The following SLX4IP variants were observed in gnomAD, a reference collection of about 807,000 sequenced individuals.
SLX4IP encodes protein SLX4IP.
In SLX4IP, 34 loss-of-function variants were observed where a neutral mutation model predicts 32.9. The observed-to-expected ratio is 1.03, with a 90% CI of 0.79 to 1.38. SLX4IP has a LOEUF of 1.38. Among genes scored for constraint, SLX4IP ranks in the 40% most tolerant of loss-of-function variants. SLX4IP has a pLI of 0.00. For missense variants in SLX4IP, 444 were observed against 479.0 expected (o/e 0.93, Z 0.68); for synonymous variants, 172 against 171.7 (o/e 1.00, Z -0.01).
intron 4 of SLX4IP, among the ~76,000 whole-genome samples, chr20:10,579,891 T>G (rs996053759): frequency 1.3e-5 from 2 of 152,240 alleles, no homozygotes; most frequent in Admixed American, 1.3e-4. Flanking sequence ...ATCAAGAATC[T>G]TTTTTAACCT....
chr20:10,439,410 A>G (rs981169907), intron 1 of SLX4IP, among the ~76,000 whole-genome samples: 4 of 152,038 alleles, frequency 2.6e-5, no homozygotes, highest in Admixed American at 6.5e-5. Flanking sequence ...GGTTTTTACC[A>G]TGTTACCCAG....
At chr20:10,568,146 C>A (rs1210531082) in intron 4 of SLX4IP, among the ~76,000 whole-genome samples, 1 of 152,206 alleles carries the variant, frequency 6.6e-6, no homozygotes, top group Non-Finnish European at 1.5e-5. Flanking sequence ...AAGGCTTTAT[C>A]TGTCACCATC....
chr20:10,615,192 A>G (rs2122564827), intron 6 of SLX4IP, among the ~76,000 whole-genome samples: 1 of 152,216 alleles, frequency 6.6e-6, no homozygotes, highest in South Asian at 2.1e-4. Context: ...AGCCACTTGC[A>G]CTTCTCCCTT....
chr20:10,550,110 T>C (rs2066203442), intron 2 of SLX4IP, among the ~76,000 whole-genome samples: 1 of 152,184 alleles, frequency 6.6e-6, no homozygotes, highest in South Asian at 2.1e-4. Flanking sequence ...TGGTGCTGTA[T>C]TTTTCACATT....
At chr20:10,613,623 T>G in intron 6 of SLX4IP, 1 of 1,613,936 alleles carries the variant, frequency 6.2e-7, no homozygotes, top group Non-Finnish European at 8.5e-7. Context: ...CATTTCTGCT[T>G]CTTTGGCCTC....
intron 4 of SLX4IP, among the ~76,000 whole-genome samples, chr20:10,562,143 G>C (rs1364613594): frequency 6.6e-6 from 1 of 152,160 alleles, no homozygotes. Flanking sequence ...TCTGCAGGCG[G>C]GTTGCGTTAA....
chr20:10,556,138 A>G, intron 2 of SLX4IP, 93 bp from the exon 3 acceptor site: 2 of 1,174,798 alleles, frequency 1.7e-6, no homozygotes, highest in South Asian at 1.4e-5. Context: ...CCATTTCATC[A>G]TGAGCAACCA....
intron 6 of SLX4IP, among the ~76,000 whole-genome samples, chr20:10,620,171 TA>T (rs2067091633): frequency 6.6e-6 from 1 of 152,198 alleles, no homozygotes; most frequent in Admixed American, 6.5e-5. Context: ...GACAACTTAC[TA>T]AAGCTGTTTC....
chr20:10,458,382 C>A, intron 2 of SLX4IP, 151 bp downstream of exon 2: 1 of 586,402 alleles, frequency 1.7e-6, no homozygotes, highest in Non-Finnish European at 2.9e-6. Flanking sequence ...CTTTTAAGTT[C>A]TGGGGCATGT....
chr20:10,453,233 C>A (rs906446269), intron 1 of SLX4IP, among the ~76,000 whole-genome samples: 2 of 152,036 alleles, frequency 1.3e-5, no homozygotes, highest in Non-Finnish European at 2.9e-5. Flanking sequence ...CCTTGTTATT[C>A]TTCTGCTGTT....
intron 1 of SLX4IP, among the ~76,000 whole-genome samples, chr20:10,438,893 A>G (rs1781684282): frequency 6.7e-6 from 1 of 149,918 alleles, no homozygotes; most frequent in Non-Finnish European, 1.5e-5. Flanking sequence ...ATTTTGTTTT[A>G]GAGAGGATCT....
In SLX4IP at chr20:10,478,970, A is replaced by G. The variant is rs543817174; in HGVS notation, c.27+20739A>G. On this transcript the variant is annotated intron_variant, in intron 2 of 7. Transcript: ENST00000334534. ...TCAGTCTTGGAGAAAAAGGCGTATT[A>G]CCTCTATTCAGGTAGAAGCAAGAGA... Among the ~76,000 whole-genome samples, 205 of 152,342 alleles carry G rather than the reference A, an allele frequency of 1.3e-3. 6 individuals carry two copies. Among genetic ancestry groups the G allele is most frequent in the Non-Finnish European group, 1.8e-3 (120 of 68,034 alleles).
At chr20:10,462,031 T>A (rs528574119) in intron 2 of SLX4IP, among the ~76,000 whole-genome samples, 2 of 152,270 alleles carry the variant, frequency 1.3e-5, no homozygotes, top group South Asian at 2.1e-4. Context: ...AAGGTTAGGA[T>A]GTTACGAACT....
At chr20:10,494,239 T>G (rs1431760030) in intron 2 of SLX4IP, among the ~76,000 whole-genome samples, 1 of 151,942 alleles carries the variant, frequency 6.6e-6, no homozygotes, top group Non-Finnish European at 1.5e-5. Context: ...TGTAATAGTT[T>G]GTAATTATCC....
chr20:10,479,460 C>T (rs1380827256), intron 2 of SLX4IP, among the ~76,000 whole-genome samples: 10 of 149,412 alleles, frequency 6.7e-5, no homozygotes, highest in African/African-American at 2.5e-4. Context: ...TCAAGCAATT[C>T]TTCTGCCTCA....
chr20:10,496,639 A>C (rs1357726909), intron 2 of SLX4IP, among the ~76,000 whole-genome samples: 1 of 151,170 alleles, frequency 6.6e-6, no homozygotes, highest in Non-Finnish European at 1.5e-5. Flanking sequence ...ACTACTAGGC[A>C]GGAGGGAATT....
chr20:10,521,643 G>A (rs1231341302), intron 2 of SLX4IP, among the ~76,000 whole-genome samples: 2 of 152,176 alleles, frequency 1.3e-5, no homozygotes, highest in African/African-American at 2.4e-5. Context: ...TATTATTCAT[G>A]AGGACTAAAA....
In SLX4IP at chr20:10,552,857, G is replaced by C. The variant is rs111272705; in HGVS notation, c.28-3374G>C. ...TTTTTTTTTTTAAAGAATTAGTTTTGCGGTGGTAGGAGGGTTACAAGAAAA... is the reference window on the plus strand; with the variant it reads ...TTTTTTTTTTTAAAGAATTAGTTTTCCGGTGGTAGGAGGGTTACAAGAAAA... On this transcript the variant is annotated intron_variant, in intron 2 of 7. Transcript: ENST00000334534. 2.6e-3 allele frequency among the ~76,000 whole-genome samples: 349 copies of C among 133,300 alleles called. 2 individuals are homozygous for C. The highest frequency in any genetic ancestry group is 8.6e-3 in the African/African-American group (301 of 35,142). 87.4% of individuals were successfully genotyped at this position (133,300 alleles called of 152,430 possible).
At chr20:10,608,150 A>T (rs942259352) in intron 6 of SLX4IP, among the ~76,000 whole-genome samples, 1 of 152,204 alleles carries the variant, frequency 6.6e-6, no homozygotes, top group African/African-American at 2.4e-5. Flanking sequence ...TGATTAGGAA[A>T]AACGTGGTGG....
Sources: gnomAD v4.1 joint callset for allele counts (sites outside exome capture counted in the v4.1 genomes callset) on GRCh38, gnomAD v4.1.1 for gene constraint, MANE v1.5 for transcripts, NCBI Gene and HGNC (gene_info 2026-07-23, HGNC 2026-07-21) for gene names.